The following MYOZ2 variants were observed in gnomAD, a reference collection of about 807,000 sequenced individuals.
MYOZ2 encodes myozenin-2.
A neutral mutation model predicts 25.4 loss-of-function variants in MYOZ2; 19 were observed. The observed-to-expected ratio is 0.75, with a 90% CI of 0.52 to 1.10. The LOEUF (loss-of-function observed/expected upper bound fraction) is 1.10, where lower values mean the gene tolerates loss of function less well. Among genes scored for constraint, MYOZ2 ranks in the 50% least tolerant of loss-of-function variants. The probability of loss-of-function intolerance (pLI) is 0.00; values close to 1 mark genes in which losing one functional copy is unlikely to be tolerated. For synonymous variants in MYOZ2, 92 were observed against 106.9 expected (o/e 0.86, Z 0.86); for missense variants, 270 against 317.9 (o/e 0.85, Z 1.15).
intron 5 of MYOZ2, among the ~76,000 whole-genome samples, chr4:119,175,189 T>C (rs1164218323): frequency 6.6e-6 from 1 of 151,434 alleles, no homozygotes; most frequent in Admixed American, 6.6e-5. Context: ...CAGAAGGAAA[T>C]GTTTTCATTT....
At chr4:119,145,405 C>G (rs1297836414) in intron 2 of MYOZ2, among the ~76,000 whole-genome samples, 3 of 137,432 alleles carry the variant, frequency 2.2e-5, no homozygotes, top group African/African-American at 8.3e-5. Context: ...AGTGCAGTGG[C>G]CTGATCTCAG....
intron 5 of MYOZ2, among the ~76,000 whole-genome samples, chr4:119,166,295 G>A (rs62326337): frequency 0.24 from 35,891 of 151,890 alleles, 4,316 homozygotes; most frequent in Middle Eastern, 0.29. Flanking sequence ...GGCCAGGTGC[G>A]TATGTACAGG....
At chr4:119,151,959 A>G (rs887233927) in intron 3 of MYOZ2, among the ~76,000 whole-genome samples, 4 of 152,106 alleles carry the variant, frequency 2.6e-5, no homozygotes, top group African/African-American at 9.7e-5. Flanking sequence ...TCCCTGATTT[A>G]TTTTATCATA....
At chr4:119,143,420 T>C (rs1380882218) in intron 2 of MYOZ2, among the ~76,000 whole-genome samples, 2 of 152,130 alleles carry the variant, frequency 1.3e-5, no homozygotes, top group Non-Finnish European at 2.9e-5. Flanking sequence ...GGTCTCGAAC[T>C]CCTGACCTCA....
At chr4:119,165,561 A>T (rs1741805388) in intron 5 of MYOZ2, among the ~76,000 whole-genome samples, 1 of 152,016 alleles carries the variant, frequency 6.6e-6, no homozygotes, top group Non-Finnish European at 1.5e-5. Flanking sequence ...TACTATTAAG[A>T]TTTTAGTTTT....
chr4:119,178,526 A>G (rs1270554103), intron 5 of MYOZ2, among the ~76,000 whole-genome samples: 1 of 152,222 alleles, frequency 6.6e-6, no homozygotes, highest in Non-Finnish European at 1.5e-5. Context: ...TGTTGCTCAC[A>G]TAAACAATCT....
chr4:119,169,141 T>C (rs1233284572), intron 5 of MYOZ2, among the ~76,000 whole-genome samples: 1 of 152,202 alleles, frequency 6.6e-6, no homozygotes, highest in Non-Finnish European at 1.5e-5. Context: ...ACCATTAGCA[T>C]TTATTAGCAA....
intron 2 of MYOZ2, among the ~76,000 whole-genome samples, chr4:119,150,343 A>G (rs1395047531): frequency 6.6e-6 from 1 of 152,142 alleles, no homozygotes; most frequent in Non-Finnish European, 1.5e-5. Context: ...GGATTGGGGA[A>G]AAAGTTCACT....
intron 5 of MYOZ2, among the ~76,000 whole-genome samples, chr4:119,167,708 T>C (rs1741855296): frequency 6.6e-6 from 1 of 152,174 alleles, no homozygotes. Context: ...TGAATTTGAG[T>C]TGAGTTGAAG....
chr4:119,138,901 A>G (rs894401795), intron 2 of MYOZ2, among the ~76,000 whole-genome samples: 3 of 152,280 alleles, frequency 2.0e-5, no homozygotes, highest in African/African-American at 7.2e-5. Flanking sequence ...AGTCTTTGAG[A>G]TAAATCACTA....
intron 3 of MYOZ2, among the ~76,000 whole-genome samples, chr4:119,155,677 C>T (rs1383754418): frequency 6.6e-6 from 1 of 152,062 alleles, no homozygotes; most frequent in Non-Finnish European, 1.5e-5. Context: ...ATGACATCTA[C>T]ATTACCAAGC....
chr4:119,136,917 A>T (rs945221570), intron 2 of MYOZ2, among the ~76,000 whole-genome samples: 3 of 151,886 alleles, frequency 2.0e-5, no homozygotes, highest in Non-Finnish European at 4.4e-5. Context: ...TTTTTTCTGG[A>T]CAAGTCTCAT....
At chr4:119,139,791 C>T (rs1741121864) in intron 2 of MYOZ2, among the ~76,000 whole-genome samples, 1 of 152,172 alleles carries the variant, frequency 6.6e-6, no homozygotes, top group Non-Finnish European at 1.5e-5. Context: ...ATAGAGAAGA[C>T]CACAGTGCCT....
chr4:119,173,210 CTG>C (rs1253236068), intron 5 of MYOZ2, among the ~76,000 whole-genome samples: 1 of 152,278 alleles, frequency 6.6e-6, no homozygotes, highest in East Asian at 1.9e-4. Context: ...TATCTACTAA[CTG>C]TGAATCTGAA....
At chr4:119,163,403 A>C (rs1741750293) in intron 4 of MYOZ2, among the ~76,000 whole-genome samples, 1 of 152,214 alleles carries the variant, frequency 6.6e-6, no homozygotes, top group Admixed American at 6.5e-5. Flanking sequence ...ATAACTAGGT[A>C]ATATGGCAGT....
chr4:119,177,198 A>T lies in MYOZ2; in HGVS notation c.561-8768A>T, dbSNP rs115947673. ...GATTTTGTAGTTCGCCATTATGATC[A>T]TTCCATTTTACACACATCTCATCTT... is the stretch of plus-strand genomic sequence containing the variant. On this transcript the variant is annotated intron_variant, in intron 5 of 5. Transcript: ENST00000307128. Among the ~76,000 whole-genome samples the T allele has an allele frequency of 2.9e-3, 442 of 152,312 alleles. 2 individuals are homozygous for T. Among genetic ancestry groups the T allele is most frequent in the Non-Finnish European group, 5.1e-3 (347 of 68,036 alleles).
chr4:119,145,506 C>CTG (rs200111377), intron 2 of MYOZ2, among the ~76,000 whole-genome samples: 2,101 of 128,180 alleles, frequency 0.016, 27 homozygotes, highest in African/African-American at 0.025. Context: ...CCAGCTAAAA[C>CTG]TGTGTGTGTG....
chr4:119,170,630 A>G (rs913439937), intron 5 of MYOZ2, among the ~76,000 whole-genome samples: 1 of 152,198 alleles, frequency 6.6e-6, no homozygotes, highest in Non-Finnish European at 1.5e-5. Flanking sequence ...AAAGTGTTCA[A>G]GCTGCAACGT....
At chr4:119,141,871 C>T (rs1346876441) in intron 2 of MYOZ2, among the ~76,000 whole-genome samples, 6 of 152,162 alleles carry the variant, frequency 3.9e-5, no homozygotes, top group Non-Finnish European at 5.9e-5. Flanking sequence ...CAGCTGACAG[C>T]GTTCTTGACT....
Sources: gnomAD v4.1 joint callset for allele counts (sites outside exome capture counted in the v4.1 genomes callset) on GRCh38, gnomAD v4.1.1 for gene constraint, MANE v1.5 for transcripts, NCBI Gene and HGNC (gene_info 2026-07-23, HGNC 2026-07-21) for gene names.